The following PNPT1 variants were observed in gnomAD, a reference collection of about 807,000 sequenced individuals.
PNPT1 encodes the protein polyribonucleotide nucleotidyltransferase 1.
A neutral mutation model predicts 119.5 loss-of-function variants in PNPT1; 53 were observed. The observed-to-expected ratio is 0.44, with a 90% confidence interval of 0.36 to 0.56. The LOEUF (loss-of-function observed/expected upper bound fraction) is 0.56, where lower values mean the gene tolerates loss of function less well. Ranked by LOEUF, PNPT1 falls within the 20% of genes least tolerant of loss-of-function variation. The probability of loss-of-function intolerance (pLI) is 0.00; values close to 1 mark genes in which losing one functional copy is unlikely to be tolerated. For missense variants in PNPT1, 948 were observed against 938.5 expected, an observed-to-expected ratio of 1.01 and a Z score of -0.13; for synonymous variants, 357 against 322.1, an observed-to-expected ratio of 1.11 and a Z score of -1.16.
intron 8 of PNPT1, among the ~76,000 whole-genome samples, chr2:55,679,405 A>G (rs535286237): frequency 6.6e-6 from 1 of 152,190 alleles, no homozygotes; most frequent in East Asian, 1.9e-4. Flanking sequence ...TAGACTAAAA[A>G]TTAGTCATAA....
intron 11 of PNPT1, among the ~76,000 whole-genome samples, chr2:55,669,666 TTC>T (rs1269735595): frequency 6.6e-6 from 1 of 152,162 alleles, no homozygotes; most frequent in Non-Finnish European, 1.5e-5. Flanking sequence ...GCTATAAAAT[TTC>T]TTTCTTACCA....
chr2:55,664,316 C>T (rs562506938), intron 13 of PNPT1, among the ~76,000 whole-genome samples: 1 of 152,186 alleles, frequency 6.6e-6, no homozygotes, highest in African/African-American at 2.4e-5. Context: ...AAAATTAATT[C>T]TAAAAAGACT....
intron 12 of PNPT1, 111 bp downstream of exon 12, chr2:55,667,751 C>G: frequency 7.5e-7 from 1 of 1,335,144 alleles, no homozygotes; most frequent in East Asian, 2.6e-5. Flanking sequence ...TATTATAATT[C>G]TTTACTGTTC....
At chr2:55,664,881 A>G (rs1696687383) in intron 13 of PNPT1, among the ~76,000 whole-genome samples, 1 of 152,138 alleles carries the variant, frequency 6.6e-6, no homozygotes, top group South Asian at 2.1e-4. Flanking sequence ...TAAAAGTATG[A>G]TTCTTCTCTC....
chr2:55,643,463 G>A (rs1695899691), intron 23 of PNPT1, 38 bp from the exon 24 acceptor site: 3 of 1,574,364 alleles, frequency 1.9e-6, no homozygotes, highest in Non-Finnish European at 2.6e-6. Context: ...AAGTTAACTT[G>A]GCTGGGCATA....
chr2:55,658,648 T>C (rs906420716), intron 15 of PNPT1, among the ~76,000 whole-genome samples: 2 of 152,172 alleles, frequency 1.3e-5, no homozygotes, highest in African/African-American at 4.8e-5. Flanking sequence ...TTTGCACAGC[T>C]GCCCTTTTAA....
intron 5 of PNPT1, 108 bp downstream of exon 5, chr2:55,683,677 T>A: frequency 1.0e-6 from 1 of 954,114 alleles, no homozygotes; most frequent in Non-Finnish European, 1.5e-6. Flanking sequence ...AACAGTATCA[T>A]AAAAAATTCT....
chr2:55,650,168 C>CTCTACT (rs1696127961), intron 18 of PNPT1, among the ~76,000 whole-genome samples: 1 of 152,104 alleles, frequency 6.6e-6, no homozygotes, highest in Admixed American at 6.5e-5. Context: ...CTACCTCTAC[C>CTCTACT]TCTACCCACG....
intron 15 of PNPT1, among the ~76,000 whole-genome samples, chr2:55,657,085 T>G (rs1262319308): frequency 6.6e-6 from 1 of 152,158 alleles, no homozygotes; most frequent in Non-Finnish European, 1.5e-5. Flanking sequence ...TCCCAGCACT[T>G]TGGGAGGCCA....
In PNPT1 at chr2:55,634,782, C is replaced by G. The variant is rs1032798679; in HGVS notation, c.*1455G>C. ...TGTTGGCCAGGCTGGTCTCGAACTC[C>G]TGACCTCAGGTGATCTACCCGCCTT... On this transcript the variant is annotated 3_prime_UTR_variant, in exon 28 of 28. Coordinates refer to ENST00000447944, the MANE Select transcript of PNPT1 (RefSeq NM_033109.5). 6.6e-6 allele frequency: 1 copy of G among 152,182 alleles called. No individual in the cohort carries two copies. The highest frequency in any genetic ancestry group is 2.4e-5 in the African/African-American group (1 of 41,430). 9.4% of individuals were successfully genotyped at this position (152,182 alleles called of 1,614,324 possible). A position where few individuals can be genotyped will look rare whatever the true frequency, so the allele number is the denominator to read the frequency against.
At chr2:55,676,754 C>T (rs1697084797) in intron 8 of PNPT1, among the ~76,000 whole-genome samples, 1 of 151,440 alleles carries the variant, frequency 6.6e-6, no homozygotes, top group Non-Finnish European at 1.5e-5. Context: ...CCCAGCTACT[C>T]AGGAGGCTGA....
At chr2:55,684,363 A>C (rs1697333520) in intron 4 of PNPT1, among the ~76,000 whole-genome samples, 1 of 152,100 alleles carries the variant, frequency 6.6e-6, no homozygotes, top group South Asian at 2.1e-4. Flanking sequence ...GGTGGTGGGC[A>C]CCTGTAATCC....
intron 18 of PNPT1, among the ~76,000 whole-genome samples, chr2:55,650,801 G>A (rs566436584): frequency 1.3e-5 from 2 of 149,206 alleles, no homozygotes; most frequent in South Asian, 4.3e-4. Context: ...CAGCCGCGCC[G>A]TCTGAGAAGT....
intron 18 of PNPT1, among the ~76,000 whole-genome samples, chr2:55,654,034 G>A (rs1696300007): frequency 5.3e-5 from 8 of 152,094 alleles, no homozygotes; most frequent in Admixed American, 5.2e-4. Context: ...CAAGGTGGGT[G>A]GATCACGAGG....
rs863224169 is a variant in PNPT1, at chr2:55,647,386, C to T, written c.1563G>A (p.Lys521=). 6.2e-7 allele frequency: 1 copy of T among 1,610,004 alleles called. No individual in the cohort carries two copies. The highest frequency in any genetic ancestry group is 1.3e-5 in the African/African-American group (1 of 74,964). Residue 521 remains lysine, a synonymous_variant, in exon 19 of 28, where the codon AAG becomes AAA. Coordinates refer to ENST00000447944, the MANE Select transcript of PNPT1 (RefSeq NM_033109.5). Reference sequence around the variant, plus strand: ...GCAAACGATAATCTTCTATTTCACCCTTCTCAGGATCGGTTTTGGTGACCA... The same window carrying T: ...GCAAACGATAATCTTCTATTTCACCTTTCTCAGGATCGGTTTTGGTGACCA... The part of the protein sequence containing the change: ...IGLVTKTDPE[K]GEIEDYRLLT...
chr2:55,656,446 T>G, intron 15 of PNPT1, 75 bp from the exon 16 acceptor site: 9 of 1,304,114 alleles, frequency 6.9e-6, no homozygotes, highest in Non-Finnish European at 9.6e-6. Flanking sequence ...ACCAAAATAA[T>G]AAAACAACTT....
chr2:55,641,569 G>T (rs1311119033), intron 25 of PNPT1, among the ~76,000 whole-genome samples: 1 of 152,060 alleles, frequency 6.6e-6, no homozygotes, highest in East Asian at 1.9e-4. Context: ...GTAAGGTAAG[G>T]ATTTAAGGAA....
In PNPT1 at chr2:55,679,639, G is replaced by C. The variant is rs533839198; in HGVS notation, c.679+43C>G. ...AATTCAGTTTAAGAAGCCAGAACTT[G>C]TAAGTAAAATCCAGAACAAATGTGG... On this transcript the variant is annotated intron_variant, in intron 8 of 27. Transcript: ENST00000447944. 3.7e-6 allele frequency: 5 copies of C among 1,364,914 alleles called. No homozygotes were observed. The South Asian group carries it at 6.0e-5, about 16-fold the overall frequency. The allele number at this position is 1,364,914 out of a possible 1,614,324, so 84.6% of individuals were successfully genotyped here. A position where few individuals can be genotyped will look rare whatever the true frequency, so the allele number is the denominator to read the frequency against.
intron 26 of PNPT1, among the ~76,000 whole-genome samples, chr2:55,637,995 G>A (rs376115226): frequency 2.9e-4 from 39 of 134,408 alleles, no homozygotes; most frequent in African/African-American, 9.3e-4. Flanking sequence ...GAGAGAATCC[G>A]TCTCAAAAAA....
Sources: allele counts gnomAD v4.1 joint callset (sites outside exome capture counted in the v4.1 genomes callset), GRCh38; gene constraint gnomAD v4.1.1; transcripts MANE v1.5; gene names NCBI Gene and HGNC (gene_info 2026-07-23, HGNC 2026-07-21).